KLHL18: variants seen among roughly 807,000 people sequenced by gnomAD.
KLHL18 encodes kelch like family member 18.
KLHL18 carries 38 observed loss-of-function variants against 58.5 expected under a neutral mutation model. The observed-to-expected ratio is 0.65, with a 90% CI of 0.50 to 0.85. KLHL18 has a LOEUF of 0.85. Ranked by LOEUF, KLHL18 falls within the 40% of genes least tolerant of loss-of-function variation. KLHL18 has a pLI of 0.00. For missense variants in KLHL18, 624 were observed against 778.4 expected (o/e 0.80, Z 2.36); for synonymous variants, 303 against 301.9 (o/e 1.00, Z -0.04).
At chr3:47,310,526 A>T (rs935464954) in intron 1 of KLHL18, among the ~76,000 whole-genome samples, 1 of 152,136 alleles carries the variant, frequency 6.6e-6, no homozygotes, top group Non-Finnish European at 1.5e-5. Context: ...ATTATTTCCA[A>T]AAGTGTTATT....
chr3:47,343,955 A>T lies in KLHL18; in HGVS notation c.*14A>T. ...CTCACCATCTAAGGCAGAGGATGGGATGTGGTGGGGCAGGGATCTGGTACA... is the reference window on the plus strand; with the variant it reads ...CTCACCATCTAAGGCAGAGGATGGGTTGTGGTGGGGCAGGGATCTGGTACA... On this transcript the variant is annotated 3_prime_UTR_variant, in exon 10 of 10. Coordinates refer to ENST00000232766, the MANE Select transcript of KLHL18 (RefSeq NM_025010.5). 6.2e-7 allele frequency: 1 copy of T among 1,611,224 alleles called. No homozygotes were observed. The highest frequency in any genetic ancestry group is 8.5e-7 in the Non-Finnish European group (1 of 1,179,780).
At chr3:47,287,490 T>C (rs528284834) in intron 1 of KLHL18, 7 of 152,194 alleles carry the variant, frequency 4.6e-5, no homozygotes, top group Non-Finnish European at 7.3e-5. Context: ...TATTTTTTTT[T>C]CTCTCTTTTT....
Position 47,323,635 on chromosome 3 carries a change from T to TAAAG in KLHL18, c.401+928_401+931dup, listed in dbSNP as rs1481324151. Reference sequence around the variant, plus strand: ...AGAGCCAGAGCTCTTAGTCATAAGGTAAAGGCCTTTTAACCAGCAGAGGCT... The same window carrying TAAAG: ...AGAGCCAGAGCTCTTAGTCATAAGGTAAAGAAAGGCCTTTTAACCAGCAGAGGCT... On this transcript the variant is annotated intron_variant, in intron 3 of 9. Coordinates refer to ENST00000232766, the MANE Select transcript of KLHL18 (RefSeq NM_025010.5). 2.0e-5 allele frequency among the ~76,000 whole-genome samples: 3 copies of TAAAG among 152,154 alleles called. No individual in the cohort carries two copies. In the East Asian group the frequency reaches 5.8e-4, roughly 29 times the overall value.
At chr3:47,317,480 G>A (rs547041364) in intron 1 of KLHL18, among the ~76,000 whole-genome samples, 4 of 152,240 alleles carry the variant, frequency 2.6e-5, no homozygotes, top group Admixed American at 6.5e-5. Context: ...TTCAGGAAAC[G>A]GGGGTGTTAG....
Position 47,344,140 on chromosome 3 carries a change from A to C in KLHL18, c.*199A>C, listed in dbSNP as rs1332203926. ...CTTCAGGCTTGGGTCATCAAGATGC[A>C]CAGCATGGAACACAAGCTCCTCTGG... On this transcript the variant is annotated 3_prime_UTR_variant, in exon 10 of 10. Coordinates refer to ENST00000232766, the MANE Select transcript of KLHL18 (RefSeq NM_025010.5). The C allele has an allele frequency of 1.6e-6, 1 of 610,884 alleles. No homozygotes were observed. 37.8% of individuals were successfully genotyped at this position (610,884 alleles called of 1,614,324 possible).
intron 1 of KLHL18, 94 bp downstream of exon 1, chr3:47,283,188 A>G: frequency 3.3e-5 from 12 of 368,694 alleles, no homozygotes; most frequent in South Asian, 1.1e-4. Flanking sequence ...TCTAGCAGGG[A>G]GAGGGGTGGG....
chr3:47,344,199 G>T lies in KLHL18; in HGVS notation c.*258G>T, dbSNP rs1184549349. ...GCTGGTGACATGGAACTGTTTTCTG[G>T]TCCACATGAACACAGGCTCCATCCA... On this transcript the variant is annotated 3_prime_UTR_variant, in exon 10 of 10. Coordinates refer to ENST00000232766, the MANE Select transcript of KLHL18 (RefSeq NM_025010.5). The T allele has an allele frequency of 1.9e-6, 1 of 525,594 alleles. No individual in the cohort carries two copies. The highest frequency in any genetic ancestry group is 3.3e-6 in the Non-Finnish European group (1 of 299,042). 32.6% of individuals were successfully genotyped at this position (525,594 alleles called of 1,614,324 possible).
chr3:47,329,426 A>G (rs1471921139), intron 3 of KLHL18, among the ~76,000 whole-genome samples: 1 of 151,866 alleles, frequency 6.6e-6, no homozygotes, highest in Non-Finnish European at 1.5e-5. Context: ...ACGGGGTTTC[A>G]CCGTGTCAGC....
rs757194051 is a variant in KLHL18 at position 47,319,699 on chromosome 3, C to T, written c.176C>T (p.Ser59Leu). 2.5e-6 allele frequency: 4 copies of T among 1,613,990 alleles called. No homozygotes were observed. The highest frequency in any genetic ancestry group is 1.1e-5 in the South Asian group (1 of 91,078). Reference sequence around the variant, plus strand: ...GCCCACCGGATTGTCTTAGCAGCCTCGATCCCGTATTTCCATGCTATGTTT... The same window carrying T: ...GCCCACCGGATTGTCTTAGCAGCCTTGATCCCGTATTTCCATGCTATGTTT... ...FSAHRIVLAASIPYFHAMFTN... is the reference protein window; with the variant it reads ...FSAHRIVLAALIPYFHAMFTN... The change falls in exon 2 of 10, where the codon TCG (serine) becomes TTG (leucine). Residue 59 changes from serine to leucine, a missense_variant. Physicochemically the swap from Ser to Leu is moderately radical, Grantham distance 145. Transcript: ENST00000232766.
chr3:47,292,950 C>T (rs1456996932), intron 1 of KLHL18, among the ~76,000 whole-genome samples: 2 of 150,728 alleles, frequency 1.3e-5, no homozygotes, highest in Admixed American at 6.6e-5. Flanking sequence ...AAATATTACT[C>T]AGCCTTTAAA....
In KLHL18 at chr3:47,333,255, G is replaced by T. The variant is rs754184238; in HGVS notation, c.699G>T (p.Arg233=). The change falls in exon 5 of 10, where the codon CGG becomes CGT. Residue 233 remains arginine (R), a synonymous_variant. Transcript: ENST00000232766. ...CCAATATCCGCCTGCCCCTCTGTCG[G>T]CCCCAGTTCCTTTCAGACAGAGTAC... is the stretch of plus-strand genomic sequence containing the variant. ...LLSNIRLPLC[R]PQFLSDRVQQ... is the part of the protein sequence containing the mutation. The T allele has an allele frequency of 2.7e-5, 43 of 1,614,026 alleles. No individual in the cohort carries two copies. The South Asian group carries it at 4.7e-4, about 18-fold the overall frequency.
rs1056289855 is a variant in KLHL18, at chr3:47,334,942, G to A, written c.898+123G>A. The A allele has an allele frequency of 1.9e-5, 18 of 951,666 alleles. No individual in the cohort carries two copies. In the Admixed American group the frequency reaches 4.6e-4, roughly 24 times the overall value. 59.0% of individuals were successfully genotyped at this position (951,666 alleles called of 1,614,324 possible). ...TACTGTCACCACCCTTGCCCCTCTT[G>A]ATTTTATACAATTGCTCTACAGTTA... On this transcript the variant is annotated intron_variant, in intron 6 of 9. Coordinates refer to ENST00000232766, the MANE Select transcript of KLHL18 (RefSeq NM_025010.5). The surrounding 1 kb of genome is among the most constrained non-coding windows in gnomAD (Gnocchi z 4.7).
chr3:47,294,026 AC>A (rs1228726109), intron 1 of KLHL18, among the ~76,000 whole-genome samples: 2 of 152,216 alleles, frequency 1.3e-5, no homozygotes, highest in Non-Finnish European at 2.9e-5. Flanking sequence ...TCAGTAAACC[AC>A]TGTCCTAATT....
intron 9 of KLHL18, 36 bp from the exon 10 acceptor site, chr3:47,343,519 G>A (rs1311527992): frequency 1.9e-6 from 3 of 1,611,048 alleles, no homozygotes; most frequent in Non-Finnish European, 1.7e-6. Flanking sequence ...CTTTGCCTCT[G>A]ACTGTCCTGT....
intron 1 of KLHL18, among the ~76,000 whole-genome samples, chr3:47,292,695 C>T (rs1039625844): frequency 6.6e-6 from 1 of 151,800 alleles, no homozygotes; most frequent in African/African-American, 2.4e-5. Flanking sequence ...GGCATGAACC[C>T]AGGAGTTTGA....
intron 1 of KLHL18, chr3:47,297,805 C>T (rs1457624209): frequency 2.9e-6 from 1 of 348,758 alleles, no homozygotes; most frequent in Non-Finnish European, 5.7e-6. Flanking sequence ...TATAACCTTC[C>T]TTTCTTTGGG....
At chr3:47,322,352 A>C (rs17079580) in intron 2 of KLHL18, among the ~76,000 whole-genome samples, 4,487 of 152,258 alleles carry the variant, frequency 0.029, 223 homozygotes, top group East Asian at 0.13. Context: ...TCAGTAGTGA[A>C]ATTGTAGGTG....
At chr3:47,316,277 G>A (rs1183598973) in intron 1 of KLHL18, among the ~76,000 whole-genome samples, 1 of 151,800 alleles carries the variant, frequency 6.6e-6, no homozygotes, top group Non-Finnish European at 1.5e-5. Context: ...CTTCTAGAGA[G>A]CACAGTTACA....
At position 47,311,468 on chromosome 3, in the gene KLHL18, G is replaced by A. The variant is rs369262783; in HGVS notation, c.130-8185G>A. 3.9e-5 allele frequency among the ~76,000 whole-genome samples: 6 copies of A among 152,112 alleles called. No homozygotes were observed. In the East Asian group the frequency reaches 7.8e-4, roughly 20 times the overall value. On this transcript the variant is annotated intron_variant, in intron 1 of 9. Transcript: ENST00000232766. ...AGCACTTTGGGAGGCCAAGGTGGGC[G>A]GTTCATGAGGTCAGGAGATCAAGAC...
Sources: allele counts gnomAD v4.1 joint callset (sites outside exome capture counted in the v4.1 genomes callset), GRCh38; gene constraint gnomAD v4.1.1; non-coding constraint Gnocchi (gnomAD v3.1); transcripts MANE v1.5; gene names NCBI Gene and HGNC (gene_info 2026-07-23, HGNC 2026-07-21).